Variants in PTPRQ observed in about 807,000 individuals in gnomAD.
The protein encoded by PTPRQ is protein tyrosine phosphatase receptor type Q.
In PTPRQ, 199 loss-of-function variants were observed where a neutral mutation model predicts 246.0. That is an observed-to-expected ratio of 0.81 (90% CI 0.72 to 0.91). The LOEUF (loss-of-function observed/expected upper bound fraction) is 0.91, where lower values mean the gene tolerates loss of function less well. Among genes scored for constraint, PTPRQ ranks in the 40% least tolerant of loss-of-function variants. PTPRQ has a pLI of 0.00. For missense variants in PTPRQ, 2,624 were observed against 2,528.4 expected (o/e 1.04, Z -0.81); for synonymous variants, 869 against 853.2 (o/e 1.02, Z -0.32).
At chr12:80,474,444 G>T (rs1339806702) in intron 8 of PTPRQ, among the ~76,000 whole-genome samples, 2 of 152,074 alleles carry the variant, frequency 1.3e-5, no homozygotes, top group Admixed American at 1.3e-4. Flanking sequence ...AATGTTATGT[G>T]CTATTACATT....
rs564038376 is a variant in PTPRQ, at chr12:80,613,368, T to C, written c.4919-224T>C. ...CATAGAAACACATTCTGTGTAAAAA[T>C]AAGTGCATATAAAACAAACAAACTG... is the stretch of plus-strand genomic sequence containing the variant. On this transcript the variant is annotated intron_variant, in intron 28 of 44. Transcript: ENST00000644991. Among the ~76,000 whole-genome samples the C allele has an allele frequency of 4.0e-5, 6 of 150,722 alleles. No individual in the cohort carries two copies. In the South Asian group the frequency reaches 8.3e-4, roughly 21 times the overall value.
intron 25 of PTPRQ, chr12:80,584,382 C>T (rs1020929142): frequency 6.6e-6 from 1 of 152,184 alleles, no homozygotes; most frequent in Non-Finnish European, 1.5e-5. Context: ...TAAAAACTGA[C>T]TTCTGTACTG....
chr12:80,514,541 GTA>G (rs907104034), intron 17 of PTPRQ, among the ~76,000 whole-genome samples: 47 of 137,286 alleles, frequency 3.4e-4, no homozygotes, highest in South Asian at 1.8e-3. Flanking sequence ...GTTAGAAACT[GTA>G]TATATATATA....
intron 5 of PTPRQ, 53 bp from the exon 6 acceptor site, chr12:80,460,600 G>T: frequency 2.5e-6 from 1 of 398,134 alleles, no homozygotes. Context: ...TTATTCTTAT[G>T]TTCACCAAGA....
intron 17 of PTPRQ, among the ~76,000 whole-genome samples, chr12:80,513,736 C>A (rs1469055159): frequency 3.9e-5 from 6 of 152,106 alleles, no homozygotes; most frequent in African/African-American, 1.2e-4. Flanking sequence ...ATCATTCTGG[C>A]ACAAACTTGC....
At chr12:80,631,697 A>G (rs939395636) in intron 33 of PTPRQ, among the ~76,000 whole-genome samples, 1 of 152,166 alleles carries the variant, frequency 6.6e-6, no homozygotes, top group African/African-American at 2.4e-5. Context: ...CATGTTTTGG[A>G]TGTATTCTAT....
chr12:80,548,702 A>T (rs1896381075), intron 24 of PTPRQ, among the ~76,000 whole-genome samples: 1 of 152,110 alleles, frequency 6.6e-6, no homozygotes, highest in Non-Finnish European at 1.5e-5. Flanking sequence ...TTTTACTGTG[A>T]CCAGAAAAGT....
intron 8 of PTPRQ, 147 bp downstream of exon 8, chr12:80,472,398 A>C: frequency 2.5e-6 from 3 of 1,200,394 alleles, no homozygotes; most frequent in Non-Finnish European, 3.5e-6. Flanking sequence ...CATTCTGAAC[A>C]TGTGTTCTCC....
At chr12:80,553,170 A>G (rs1896538213) in intron 25 of PTPRQ, among the ~76,000 whole-genome samples, 1 of 152,122 alleles carries the variant, frequency 6.6e-6, no homozygotes, top group Admixed American at 6.6e-5. Context: ...TTATTTCCAC[A>G]TTCCCATCAG....
At chr12:80,444,470 T>A in intron 1 of PTPRQ, 71 bp downstream of exon 1, 2 of 908,880 alleles carry the variant, frequency 2.2e-6, no homozygotes, top group East Asian at 5.3e-5. Flanking sequence ...CTTGAATAGT[T>A]GTTCCTTGTG....
At position 80,484,454 on chromosome 12, in the gene PTPRQ, T is replaced by C; in HGVS notation, c.1208T>C (p.Leu403Ser). The C allele has an allele frequency of 6.4e-7, 1 of 1,550,388 alleles. No homozygotes were observed. The highest frequency in any genetic ancestry group is 8.7e-7 in the Non-Finnish European group (1 of 1,146,598). ...PPDVPGAVFD[L>S]QLAEVESTQV... is the part of the protein sequence containing the mutation. ...TTAGTTCCAGGGGCAGTGTTTGATTTACAACTTGCAGAGGTAGAATCCACG... is the reference window on the plus strand; with the variant it reads ...TTAGTTCCAGGGGCAGTGTTTGATTCACAACTTGCAGAGGTAGAATCCACG... Residue 403 changes from leucine to serine, a missense_variant, in exon 9 of 45, where the codon TTA (leucine) becomes TCA (serine). Coordinates refer to ENST00000644991, the MANE Select transcript of PTPRQ (RefSeq NM_001145026.2).
In PTPRQ at chr12:80,591,565, G is replaced by A. The variant is rs1286238308; in HGVS notation, c.4609+3113G>A. Among the ~76,000 whole-genome samples, 6 of 152,150 alleles carry A rather than the reference G, an allele frequency of 3.9e-5. No individual in the cohort carries two copies. In the East Asian group the frequency reaches 9.6e-4, roughly 24 times the overall value. On this transcript the variant is annotated intron_variant, in intron 26 of 44. Transcript: ENST00000644991. ...GTTTTCCAGTGCAGGTGATGATAAG[G>A]ATGACGATACTATAACAAAGATAGC...
intron 25 of PTPRQ, among the ~76,000 whole-genome samples, chr12:80,558,106 CTTTCTTTTCTTTCTTTCT>C (rs1240104215): frequency 9.9e-6 from 1 of 101,314 alleles, no homozygotes; most frequent in African/African-American, 3.7e-5. Context: ...CTCCTTTCTT[CTTTCTTTTCTTTCTTTCT>C]TTTCTTTTCT....
chr12:80,551,150 C>T (rs574000825), intron 25 of PTPRQ, among the ~76,000 whole-genome samples: 2 of 152,190 alleles, frequency 1.3e-5, no homozygotes, highest in African/African-American at 4.8e-5. Context: ...TGAAAAATCC[C>T]AACTGAAGAC....
chr12:80,472,219 A>T lies in PTPRQ; in HGVS notation c.1154A>T (p.Lys385Met). 1 of 1,551,522 alleles carries T rather than the reference A, an allele frequency of 6.4e-7. No individual in the cohort carries two copies. The highest frequency in any genetic ancestry group is 8.7e-7 in the Non-Finnish European group (1 of 1,146,918). Residue 385 changes from lysine to methionine, a missense_variant, in exon 8 of 45, where the codon AAG (lysine) becomes ATG (methionine). Lys to Met is a moderately conservative substitution (Grantham distance 95). Coordinates refer to ENST00000644991, the MANE Select transcript of PTPRQ (RefSeq NM_001145026.2). ...GAAACCAGTGCAGGGACTGGGCCCAAGTCAAATATTTCAGTATTCACTCCA... is the reference window on the plus strand; with the variant it reads ...GAAACCAGTGCAGGGACTGGGCCCATGTCAAATATTTCAGTATTCACTCCA... The part of the protein sequence containing the change: ...AAETSAGTGP[K>M]SNISVFTPPD...
At chr12:80,548,664 G>A (rs181394200) in intron 24 of PTPRQ, among the ~76,000 whole-genome samples, 7 of 152,206 alleles carry the variant, frequency 4.6e-5, no homozygotes, top group East Asian at 1.9e-4. Flanking sequence ...CAAATTGACT[G>A]TGTCCCAATT....
rs1298211007 is a variant in PTPRQ at position 80,566,825 on chromosome 12, A to T, written c.4285+17091A>T. Among the ~76,000 whole-genome samples, 21 of 152,282 alleles carry T rather than the reference A, an allele frequency of 1.4e-4. No homozygotes were observed. The East Asian group carries it at 3.9e-3, about 28-fold the overall frequency. On this transcript the variant is annotated intron_variant, in intron 25 of 44. Coordinates refer to ENST00000644991, the MANE Select transcript of PTPRQ (RefSeq NM_001145026.2). ...AAAATGCTGCGATTACAGGCATGAGACACTGTGACTGGCCTACTTTAATAT... is the reference window on the plus strand; with the variant it reads ...AAAATGCTGCGATTACAGGCATGAGTCACTGTGACTGGCCTACTTTAATAT...
intron 29 of PTPRQ, among the ~76,000 whole-genome samples, chr12:80,615,851 A>G (rs1898734919): frequency 6.6e-6 from 1 of 150,958 alleles, no homozygotes; most frequent in African/African-American, 2.4e-5. Flanking sequence ...TGTTCTTCCT[A>G]CATTCACATT....
intron 3 of PTPRQ, among the ~76,000 whole-genome samples, chr12:80,455,166 G>A (rs796185835): frequency 1.3e-5 from 2 of 151,150 alleles, no homozygotes; most frequent in South Asian, 4.2e-4. Context: ...AGAACAAAAC[G>A]CCGCCAAACA....
Sources: gnomAD v4.1 joint callset for allele counts (sites outside exome capture counted in the v4.1 genomes callset) on GRCh38, gnomAD v4.1.1 for gene constraint, MANE v1.5 for transcripts, NCBI Gene and HGNC (gene_info 2026-07-23, HGNC 2026-07-21) for gene names.